SZRD1: variants seen among roughly 807,000 people sequenced by gnomAD.
SZRD1 encodes the protein SUZ RNA-binding domain-containing.
Under a neutral mutation model 17.6 loss-of-function variants are expected in SZRD1, and 7 were observed. The observed-to-expected ratio is 0.40, with a 90% CI of 0.23 to 0.75. The LOEUF is 0.75. Ranked by LOEUF, SZRD1 falls within the 30% of genes least tolerant of loss-of-function variation. The pLI, the probability that SZRD1 is intolerant of heterozygous loss-of-function variation, is 0.38. For missense variants in SZRD1, 178 were observed against 201.8 expected, an observed-to-expected ratio of 0.88 and a Z score of 0.71; for synonymous variants, 77 against 77.9, an observed-to-expected ratio of 0.99 and a Z score of 0.06.
chr1:16,394,749 G>A (rs1373324238), intron 3 of SZRD1, among the ~76,000 whole-genome samples: 1 of 152,154 alleles, frequency 6.6e-6, no homozygotes, highest in African/African-American at 2.4e-5. Context: ...GAGGTCAGGA[G>A]TTCAAGACCA....
intron 1 of SZRD1, among the ~76,000 whole-genome samples, chr1:16,370,654 A>G (rs774749635): frequency 1.3e-5 from 2 of 149,692 alleles, no homozygotes; most frequent in Non-Finnish European, 3.0e-5. Flanking sequence ...TATTTATTTT[A>G]GATACAGGGT....
chr1:16,376,580 CG>C (rs2083005943), intron 1 of SZRD1, among the ~76,000 whole-genome samples: 1 of 151,994 alleles, frequency 6.6e-6, no homozygotes, highest in Non-Finnish European at 1.5e-5. Flanking sequence ...CCGAGGCAGG[CG>C]GATCACTTGA....
intron 1 of SZRD1, among the ~76,000 whole-genome samples, chr1:16,375,113 T>A (rs2082977632): frequency 1.3e-5 from 2 of 152,164 alleles, no homozygotes; most frequent in African/African-American, 4.8e-5. Context: ...CGTGACCTCG[T>A]GATCCGCCCG....
chr1:16,369,602 A>G (rs2082877428), intron 1 of SZRD1: 1 of 610,090 alleles, frequency 1.6e-6, no homozygotes, highest in East Asian at 2.8e-5. Context: ...TTAAAAATGT[A>G]CCGCGGCCAG....
chr1:16,375,155 C>G (rs145887371), intron 1 of SZRD1, among the ~76,000 whole-genome samples: 2 of 152,128 alleles, frequency 1.3e-5, no homozygotes, highest in East Asian at 3.9e-4. Flanking sequence ...GGATTACAAG[C>G]GTGAGCCACC....
At chr1:16,375,603 G>A (rs1239168046) in intron 1 of SZRD1, among the ~76,000 whole-genome samples, 2 of 152,062 alleles carry the variant, frequency 1.3e-5, no homozygotes, top group African/African-American at 2.4e-5. Context: ...GTGAGCCACC[G>A]CGCCCGGTCC....
chr1:16,393,368 C>T lies in SZRD1; in HGVS notation c.242C>T (p.Pro81Leu). Residue 81 changes from proline to leucine, a missense_variant, in exon 3 of 4, where the codon CCC becomes CTC. By Grantham distance (98) the Pro-to-Leu change is moderately conservative. Coordinates refer to ENST00000401088, the MANE Select transcript of SZRD1 (RefSeq NM_001114600.3). The surrounding 1 kb of genome is among the most constrained non-coding windows in gnomAD (Gnocchi z 5.6). ...AGCAGCCCCAACTCCACCAGCAGGCCCACCCTTCCAGTCAAGTCCCTAGCA... is the reference window on the plus strand; with the variant it reads ...AGCAGCCCCAACTCCACCAGCAGGCTCACCCTTCCAGTCAAGTCCCTAGCA... ...VVSSPNSTSR[P>L]TLPVKSLAQR... The T allele has an allele frequency of 6.2e-7, 1 of 1,614,178 alleles. No homozygotes were observed. Among genetic ancestry groups the T allele is most frequent in the Non-Finnish European group, 8.5e-7 (1 of 1,180,032 alleles).
chr1:16,380,937 A>C (rs2083090258), intron 1 of SZRD1, among the ~76,000 whole-genome samples: 2 of 152,002 alleles, frequency 1.3e-5, no homozygotes, highest in African/African-American at 4.8e-5. Context: ...TAAAGAAAAA[A>C]ATAGCTGGGC....
chr1:16,372,537 T>C lies in SZRD1; in HGVS notation c.51+5229T>C, dbSNP rs1462595210. ...AGCTAGGGGAAGGCAGCAGATGATATAAAAATGTAATTGGACCAGTGGTTA... is the reference window on the plus strand; with the variant it reads ...AGCTAGGGGAAGGCAGCAGATGATACAAAAATGTAATTGGACCAGTGGTTA... On this transcript the variant is annotated intron_variant, in intron 1 of 3. Transcript: ENST00000401088. 2.0e-5 allele frequency among the ~76,000 whole-genome samples: 3 copies of C among 152,124 alleles called. No homozygotes were observed. The East Asian group carries it at 5.8e-4, about 29-fold the overall frequency.
chr1:16,376,063 C>G (rs2082998662), intron 1 of SZRD1, among the ~76,000 whole-genome samples: 1 of 152,108 alleles, frequency 6.6e-6, no homozygotes, highest in Admixed American at 6.6e-5. Flanking sequence ...TGCCTACAGC[C>G]CAGGGGGAGT....
At position 16,372,199 on chromosome 1, in the gene SZRD1, G is replaced by T. The variant is rs553148712; in HGVS notation, c.51+4891G>T. Among the ~76,000 whole-genome samples, 60 of 152,040 alleles carry T rather than the reference G, an allele frequency of 3.9e-4. 1 individual carries two copies. In the South Asian group the frequency reaches 0.012, roughly 31 times the overall value. ...AGACAATCAATAAAATATGCCAGGC[G>T]TGGTGGCTCACGCCTGTAATCCCAA... On this transcript the variant is annotated intron_variant, in intron 1 of 3. Coordinates refer to ENST00000401088, the MANE Select transcript of SZRD1 (RefSeq NM_001114600.3).
chr1:16,374,873 TTTTTGTTTTG>T (rs149781689), intron 1 of SZRD1, among the ~76,000 whole-genome samples: 1 of 152,032 alleles, frequency 6.6e-6, no homozygotes, highest in South Asian at 2.1e-4. Context: ...TTCTTGAGTG[TTTTTGTTTTG>T]TTTTGTTTTT....
At chr1:16,388,922 A>G (rs2085173155) in intron 1 of SZRD1, among the ~76,000 whole-genome samples, 2 of 151,982 alleles carry the variant, frequency 1.3e-5, no homozygotes, top group Admixed American at 1.3e-4. Flanking sequence ...TGTTGGGATT[A>G]CAGGCATAAG....
chr1:16,370,116 C>T (rs1407074544), intron 1 of SZRD1, among the ~76,000 whole-genome samples: 1 of 152,088 alleles, frequency 6.6e-6, no homozygotes, highest in Non-Finnish European at 1.5e-5. Context: ...GGGATTTGAT[C>T]CCAAGCATGT....
At chr1:16,374,004 G>A (rs2082956130) in intron 1 of SZRD1, among the ~76,000 whole-genome samples, 1 of 152,146 alleles carries the variant, frequency 6.6e-6, no homozygotes, top group African/African-American at 2.4e-5. Context: ...TCACTCTGGG[G>A]TCCCCAATGC....
intron 1 of SZRD1, among the ~76,000 whole-genome samples, chr1:16,378,139 C>T (rs577110182): frequency 3.3e-5 from 5 of 152,188 alleles, no homozygotes; most frequent in South Asian, 2.1e-4. Context: ...TGTATCCCTC[C>T]GGCATGGAGA....
At chr1:16,385,177 T>C (rs952736593) in intron 1 of SZRD1, among the ~76,000 whole-genome samples, 1 of 152,192 alleles carries the variant, frequency 6.6e-6, no homozygotes, top group Admixed American at 6.5e-5. Context: ...GACCAGAGGA[T>C]TCCGGTTCTC....
chr1:16,389,452 G>C (rs1245404002), intron 1 of SZRD1, among the ~76,000 whole-genome samples: 1 of 141,410 alleles, frequency 7.1e-6, no homozygotes, highest in African/African-American at 2.6e-5. Context: ...ACAGGCGCCC[G>C]CCACAACGCC....
chr1:16,373,979 AGT>A (rs1260096603), intron 1 of SZRD1, among the ~76,000 whole-genome samples: 5 of 152,124 alleles, frequency 3.3e-5, no homozygotes, highest in African/African-American at 1.2e-4. Flanking sequence ...TTCTCCCCAA[AGT>A]GTGACTGCCG....
Sources: allele counts gnomAD v4.1 joint callset (sites outside exome capture counted in the v4.1 genomes callset), GRCh38; gene constraint gnomAD v4.1.1; non-coding constraint Gnocchi (gnomAD v3.1); transcripts MANE v1.5; gene names NCBI Gene and HGNC (gene_info 2026-07-23, HGNC 2026-07-21).